Variants in PRKAR2B observed in about 807,000 individuals in gnomAD.
PRKAR2B encodes the protein cAMP-dependent protein kinase type II-beta regulatory subunit.
Under a neutral mutation model 49.9 loss-of-function variants are expected in PRKAR2B, and 14 were observed. The ratio of observed to expected loss-of-function variants is 0.28; its 90% CI spans 0.19 to 0.44. The LOEUF is 0.44. Ranked by LOEUF, PRKAR2B falls within the 20% of genes least tolerant of loss-of-function variation. The pLI, the probability that PRKAR2B is intolerant of heterozygous loss-of-function variation, is 1.00. For missense variants in PRKAR2B, 393 were observed against 537.9 expected (o/e 0.73, Z 2.67); for synonymous variants, 196 against 197.7 (o/e 0.99, Z 0.07).
intron 2 of PRKAR2B, among the ~76,000 whole-genome samples, chr7:107,101,145 T>A (rs1001884292): frequency 2.0e-5 from 3 of 149,190 alleles, no homozygotes; most frequent in East Asian, 1.9e-4. Flanking sequence ...ATTTTTTTTT[T>A]TTTTTTTTTT....
Position 107,070,287 on chromosome 7 carries a change from T to C in PRKAR2B, c.314T>C (p.Val105Ala). 6.2e-7 allele frequency: 1 copy of C among 1,608,042 alleles called. No homozygotes were observed. Among genetic ancestry groups the C allele is most frequent in the Non-Finnish European group, 8.5e-7 (1 of 1,175,868 alleles). ...PADAGAFNAPVINRFTRRASV... is the reference protein window; with the variant it reads ...PADAGAFNAPAINRFTRRASV... ...ATTCTGCTTTTTCTTTTAGCTCCAGTAATAAACCGATTCACAAGGCGTGCC... is the reference window on the plus strand; with the variant it reads ...ATTCTGCTTTTTCTTTTAGCTCCAGCAATAAACCGATTCACAAGGCGTGCC... The change falls in exon 2 of 11, where the codon GTA becomes GCA. Residue 105 changes from valine to alanine, a missense_variant. Transcript: ENST00000265717.
At chr7:107,067,977 T>C (rs1166867832) in intron 1 of PRKAR2B, among the ~76,000 whole-genome samples, 1 of 152,166 alleles carries the variant, frequency 6.6e-6, no homozygotes, top group Non-Finnish European at 1.5e-5. Flanking sequence ...GTTTTAAAAG[T>C]TATGCAGGAC....
intron 1 of PRKAR2B, among the ~76,000 whole-genome samples, chr7:107,055,531 T>C (rs28759831): frequency 4.6e-5 from 7 of 151,992 alleles, no homozygotes. Context: ...GGTATCTCAT[T>C]GTGGTTTTGA....
intron 2 of PRKAR2B, among the ~76,000 whole-genome samples, chr7:107,075,303 A>G (rs181922227): frequency 6.6e-6 from 1 of 151,778 alleles, no homozygotes; most frequent in East Asian, 1.9e-4. Context: ...GGGTTTCACC[A>G]TGTTGGCCAG....
At chr7:107,123,999 A>T (rs1171736360) in intron 3 of PRKAR2B, among the ~76,000 whole-genome samples, 1 of 152,198 alleles carries the variant, frequency 6.6e-6, no homozygotes, top group African/African-American at 2.4e-5. Flanking sequence ...AATTATTTAG[A>T]TGTAGAAGGA....
At chr7:107,048,639 ATGT>A (rs558425116) in intron 1 of PRKAR2B, among the ~76,000 whole-genome samples, 39 of 152,294 alleles carry the variant, frequency 2.6e-4, no homozygotes, top group African/African-American at 7.2e-4. Flanking sequence ...GCTGGAAAAA[ATGT>A]TGTCTGGCCA....
intron 2 of PRKAR2B, among the ~76,000 whole-genome samples, chr7:107,114,634 T>G (rs964176323): frequency 2.0e-5 from 3 of 151,394 alleles, no homozygotes; most frequent in African/African-American, 7.3e-5. Flanking sequence ...CCTCCTAAAG[T>G]GCTGGGATTA....
chr7:107,068,071 C>A (rs1390563472), intron 1 of PRKAR2B, among the ~76,000 whole-genome samples: 1 of 152,262 alleles, frequency 6.6e-6, no homozygotes, highest in Non-Finnish European at 1.5e-5. Flanking sequence ...AGGGTGTCCT[C>A]TGAATTACCG....
intron 2 of PRKAR2B, among the ~76,000 whole-genome samples, chr7:107,106,375 G>A (rs2116819042): frequency 6.6e-6 from 1 of 152,192 alleles, no homozygotes; most frequent in African/African-American, 2.4e-5. Context: ...ACATATTCAT[G>A]GACAGTACCC....
At chr7:107,047,209 A>G (rs184114653) in intron 1 of PRKAR2B, among the ~76,000 whole-genome samples, 2 of 152,366 alleles carry the variant, frequency 1.3e-5, no homozygotes, top group Admixed American at 1.3e-4. Context: ...ATACATCTGT[A>G]TAACAGAAAC....
intron 4 of PRKAR2B, among the ~76,000 whole-genome samples, chr7:107,129,904 TG>T (rs1254775469): frequency 6.6e-6 from 1 of 152,134 alleles, no homozygotes; most frequent in Middle Eastern, 3.2e-3. Context: ...TCGACTTTGG[TG>T]GGTTTTGGCT....
At chr7:107,154,757 A>G (rs1796048666) in intron 8 of PRKAR2B, among the ~76,000 whole-genome samples, 1 of 152,194 alleles carries the variant, frequency 6.6e-6, no homozygotes, top group Non-Finnish European at 1.5e-5. Context: ...TATCTTCCAT[A>G]TTGTATTGTT....
intron 10 of PRKAR2B, among the ~76,000 whole-genome samples, chr7:107,157,978 CATCCATAATTCA>C (rs1796126675): frequency 6.6e-6 from 1 of 152,180 alleles, no homozygotes; most frequent in African/African-American, 2.4e-5. Flanking sequence ...CTGTGCTTTT[CATCCATAATTCA>C]ATAGCATAAA....
chr7:107,058,120 C>T (rs1407209176), intron 1 of PRKAR2B, among the ~76,000 whole-genome samples: 1 of 151,562 alleles, frequency 6.6e-6, no homozygotes, highest in Non-Finnish European at 1.5e-5. Context: ...CATCCTTTCC[C>T]CTGAGAAACA....
chr7:107,153,115 G>T, intron 7 of PRKAR2B, 62 bp from the exon 8 acceptor site: 4 of 1,318,016 alleles, frequency 3.0e-6, no homozygotes, highest in South Asian at 2.7e-5. Context: ...TTTTACTCCC[G>T]AACTAGATAA....
At chr7:107,132,576 C>T (rs550867887) in intron 4 of PRKAR2B, among the ~76,000 whole-genome samples, 1 of 151,396 alleles carries the variant, frequency 6.6e-6, no homozygotes, top group South Asian at 2.1e-4. Context: ...AATGGTTTCA[C>T]AAAAAAGGGT....
chr7:107,150,306 G>A (rs556639920), intron 6 of PRKAR2B, among the ~76,000 whole-genome samples: 1 of 152,120 alleles, frequency 6.6e-6, no homozygotes, highest in African/African-American at 2.4e-5. Context: ...GTAAACACTG[G>A]AATTAGATCT....
chr7:107,151,267 G>A (rs1048038803), intron 7 of PRKAR2B, among the ~76,000 whole-genome samples: 2 of 152,102 alleles, frequency 1.3e-5, no homozygotes, highest in Non-Finnish European at 2.9e-5. Context: ...ATTTATATGT[G>A]GTCTTTATCT....
rs1449863750 is a variant in PRKAR2B at position 107,097,648 on chromosome 7, C to T, written c.344-24304C>T. Among the ~76,000 whole-genome samples the T allele has an allele frequency of 2.0e-5, 3 of 152,098 alleles. No individual in the cohort carries two copies. In the South Asian group the frequency reaches 6.2e-4, roughly 32 times the overall value. ...GGCATGTTTTTGCAGTGGCTGGTAC[C>T]AGTTGTTCCTTTCCATGTTTAGTGC... On this transcript the variant is annotated intron_variant, in intron 2 of 10. Coordinates refer to ENST00000265717, the MANE Select transcript of PRKAR2B (RefSeq NM_002736.3).
Sources: allele counts gnomAD v4.1 joint callset (sites outside exome capture counted in the v4.1 genomes callset), GRCh38; gene constraint gnomAD v4.1.1; transcripts MANE v1.5; gene names NCBI Gene and HGNC (gene_info 2026-07-23, HGNC 2026-07-21).